The following AOPEP variants were observed in gnomAD, a reference collection of about 807,000 sequenced individuals.
AOPEP encodes the protein aminopeptidase O (putative), also known as aminopeptidase O.
AOPEP carries 77 observed loss-of-function variants against 98.1 expected under a neutral mutation model. That is an observed-to-expected ratio of 0.78 (90% CI 0.65 to 0.95). The LOEUF (loss-of-function observed/expected upper bound fraction) is 0.95, where lower values mean the gene tolerates loss of function less well. Ranked by LOEUF, AOPEP falls within the 40% of genes least tolerant of loss-of-function variation. AOPEP has a pLI of 0.00. For missense variants in AOPEP, 1,024 were observed against 1,024.7 expected, an observed-to-expected ratio of 1.00 and a Z score of 0.01; for synonymous variants, 346 against 365.3, an observed-to-expected ratio of 0.95 and a Z score of 0.60.
At chr9:95,026,225 C>T (rs2063827269) in intron 13 of AOPEP, among the ~76,000 whole-genome samples, 2 of 152,282 alleles carry the variant, frequency 1.3e-5, no homozygotes, top group Non-Finnish European at 2.9e-5. Flanking sequence ...GCGTAATTTA[C>T]GTGCCATAAA....
At chr9:95,009,563 C>A (rs1430304600) in intron 13 of AOPEP, among the ~76,000 whole-genome samples, 2 of 152,140 alleles carry the variant, frequency 1.3e-5, no homozygotes, top group African/African-American at 4.8e-5. Flanking sequence ...GGCTCACTTT[C>A]AAATCATTGA....
At chr9:94,801,419 C>T (rs927512235) in intron 5 of AOPEP, among the ~76,000 whole-genome samples, 1 of 152,198 alleles carries the variant, frequency 6.6e-6, no homozygotes, top group African/African-American at 2.4e-5. Context: ...CTCACCTAAT[C>T]CTGACCAGCT....
At chr9:94,938,686 A>G (rs1464180469) in intron 7 of AOPEP, among the ~76,000 whole-genome samples, 1 of 152,248 alleles carries the variant, frequency 6.6e-6, no homozygotes, top group Non-Finnish European at 1.5e-5. Flanking sequence ...AGGCTAAGTC[A>G]TGGAGCTCCT....
At chr9:95,098,136 G>A in the AOPEP span, among the ~76,000 whole-genome samples, 20 of 152,248 alleles carry the variant, frequency 1.3e-4, no homozygotes, top group African/African-American at 4.1e-4. Flanking sequence ...TGCTCCCACT[G>A]TGCAAATCCT....
At chr9:94,874,585 T>A (rs1265730781) in intron 5 of AOPEP, among the ~76,000 whole-genome samples, 1 of 152,190 alleles carries the variant, frequency 6.6e-6, no homozygotes, top group Non-Finnish European at 1.5e-5. Flanking sequence ...TTTAAAAGAA[T>A]TATTGTTTTG....
At position 94,967,741 on chromosome 9, in the gene AOPEP, G is replaced by C; in HGVS notation, c.1873-17G>C. 5.0e-6 allele frequency: 8 copies of C among 1,609,166 alleles called. No homozygotes were observed. The highest frequency in any genetic ancestry group is 6.0e-6 in the Non-Finnish European group (7 of 1,175,580). ...TATTGATGGACATCTTTAATGATTT[G>C]CTTTTTTTAATCCCAGGATTTCCTT... On this transcript the variant is annotated splice_polypyrimidine_tract_variant and intron_variant, in intron 9 of 16. Transcript: ENST00000375315.
At chr9:95,017,813 C>T (rs1185856782) in intron 13 of AOPEP, among the ~76,000 whole-genome samples, 1 of 152,232 alleles carries the variant, frequency 6.6e-6, no homozygotes, top group Non-Finnish European at 1.5e-5. Context: ...CATTCCTCCT[C>T]CTAGCCCCAG....
chr9:95,099,632 G>T, the AOPEP span: 2 of 231,606 alleles, frequency 8.6e-6, no homozygotes, highest in Non-Finnish European at 8.5e-6. Context: ...GCTGGGAAAG[G>T]GCAAAGGGCC....
At chr9:94,796,285 T>C (rs1373455200) in intron 4 of AOPEP, among the ~76,000 whole-genome samples, 1 of 152,240 alleles carries the variant, frequency 6.6e-6, no homozygotes, top group African/African-American at 2.4e-5. Flanking sequence ...TTTATCAATA[T>C]GCTTGTCCTT....
intron 5 of AOPEP, among the ~76,000 whole-genome samples, chr9:94,849,501 T>C (rs1444735112): frequency 2.9e-5 from 2 of 68,390 alleles, no homozygotes; most frequent in Non-Finnish European, 5.5e-5. Flanking sequence ...TTTCTTTCTT[T>C]CTTTCTTTTT....
At chr9:95,003,840 C>T in intron 11 of AOPEP, 2 of 154,012 alleles carry the variant, frequency 1.3e-5, no homozygotes, top group Non-Finnish European at 2.9e-5. Context: ...TTTTGTATTC[C>T]TGGAAACAGT....
At chr9:94,953,721 C>T (rs1395529427) in intron 7 of AOPEP, among the ~76,000 whole-genome samples, 1 of 152,038 alleles carries the variant, frequency 6.6e-6, no homozygotes, top group Non-Finnish European at 1.5e-5. Flanking sequence ...TTAAAATAAC[C>T]CCTTGCTTTT....
chr9:95,051,430 C>G (rs2066355470), intron 13 of AOPEP, among the ~76,000 whole-genome samples: 1 of 151,654 alleles, frequency 6.6e-6, no homozygotes, highest in African/African-American at 2.4e-5. Flanking sequence ...TTAAAAAACC[C>G]TTAATCGTTA....
chr9:95,118,673 T>G, the AOPEP span, among the ~76,000 whole-genome samples: 266 of 152,354 alleles, frequency 1.7e-3, 2 homozygotes, highest in African/African-American at 6.0e-3. Context: ...AAGTATGTTT[T>G]CTTTTGTGTC....
At chr9:94,807,916 G>A (rs1849587746) in intron 5 of AOPEP, among the ~76,000 whole-genome samples, 1 of 152,236 alleles carries the variant, frequency 6.6e-6, no homozygotes, top group South Asian at 2.1e-4. Context: ...TTGCCAAGAT[G>A]CAGCTGGAGC....
chr9:94,937,505 A>G (rs2056445829), intron 7 of AOPEP, among the ~76,000 whole-genome samples: 1 of 152,224 alleles, frequency 6.6e-6, no homozygotes, highest in Non-Finnish European at 1.5e-5. Flanking sequence ...AAAGACAGTC[A>G]TATTCTGAGG....
intron 13 of AOPEP, among the ~76,000 whole-genome samples, chr9:95,033,152 T>C (rs185311522): frequency 3.9e-4 from 60 of 152,308 alleles, no homozygotes; most frequent in African/African-American, 1.4e-3. Context: ...TCCTTACCAC[T>C]AGTCCATGGA....
the AOPEP span, among the ~76,000 whole-genome samples, chr9:95,095,299 A>C: frequency 0.017 from 2,567 of 152,192 alleles, 84 homozygotes; most frequent in African/African-American, 0.059. Flanking sequence ...CTCTGTCATC[A>C]GCATGGGGAG....
chr9:95,085,288 G>T (rs752742190), intron 16 of AOPEP: 1 of 482,518 alleles, frequency 2.1e-6, no homozygotes, highest in Admixed American at 2.2e-5. Flanking sequence ...GGATTACCAC[G>T]CAACCACGAC....
Sources: allele counts gnomAD v4.1 joint callset (sites outside exome capture counted in the v4.1 genomes callset), GRCh38; gene constraint gnomAD v4.1.1; transcripts MANE v1.5; gene names NCBI Gene and HGNC (gene_info 2026-07-23, HGNC 2026-07-21).